Variants in CKAP2L observed in about 807,000 individuals in gnomAD.
The protein encoded by CKAP2L is cytoskeleton-associated protein 2-like.
Under a neutral mutation model 65.7 loss-of-function variants are expected in CKAP2L, and 42 were observed. The observed-to-expected ratio is 0.64, with a 90% confidence interval of 0.50 to 0.83. The LOEUF is 0.83. Among genes scored for constraint, CKAP2L ranks in the 40% least tolerant of loss-of-function variants. The pLI is 0.00. For missense variants in CKAP2L, 908 were observed against 871.0 expected, an observed-to-expected ratio of 1.04 and a Z score of -0.53; for synonymous variants, 325 against 313.5, an observed-to-expected ratio of 1.04 and a Z score of -0.39.
At position 112,764,508 on chromosome 2, in the gene CKAP2L, T is replaced by C. The variant is rs1441782017; in HGVS notation, c.37+54A>G. The C allele has an allele frequency of 3.1e-6, 5 of 1,600,778 alleles. No individual in the cohort carries two copies. In the East Asian group the frequency reaches 1.1e-4, roughly 36 times the overall value. ...ACGAACTCACTCGGTGGCCTCCTACTTCCCCGGCCGTGTTCCAACGCCTGA... is the reference window on the plus strand; with the variant it reads ...ACGAACTCACTCGGTGGCCTCCTACCTCCCCGGCCGTGTTCCAACGCCTGA... On this transcript the variant is annotated intron_variant, in intron 1 of 8. Coordinates refer to ENST00000302450, the MANE Select transcript of CKAP2L (RefSeq NM_152515.5).
rs749597181 is a variant in CKAP2L, at chr2:112,756,230, A to T, written c.1141T>A (p.Leu381Met). 1.9e-6 allele frequency: 3 copies of T among 1,614,178 alleles called. No individual in the cohort carries two copies. The highest frequency in any genetic ancestry group is 2.5e-6 in the Non-Finnish European group (3 of 1,180,028). The change falls in exon 4 of 9, where the codon TTG (leucine) becomes ATG (methionine). Residue 381 changes from leucine to methionine, a missense_variant. Physicochemically the swap from Leu to Met is conservative, Grantham distance 15. Transcript: ENST00000302450. ...GCTGAATTAAATCTGCCAACTGTCA[A>T]ATTAGGCCTCTGGCTTATGGCTTTT... is the stretch of plus-strand genomic sequence containing the variant. ...KSKAISQRPN[L>M]TVGRFNSAIP...
Position 112,743,787 on chromosome 2 carries a change from GTCTTTC to G in CKAP2L, c.1759-1024_1759-1019del, listed in dbSNP as rs144767864. Among the ~76,000 whole-genome samples, 240 of 151,980 alleles carry G rather than the reference GTCTTTC, an allele frequency of 1.6e-3. 1 individual carries two copies. The highest frequency in any genetic ancestry group is 5.5e-3 in the African/African-American group (227 of 41,448). ...TGAGTAATTTTCTCCAGCTTTTCCT[GTCTTTC>G]TTCTTTTATTTGTTAACATACTTAG... On this transcript the variant is annotated intron_variant, in intron 6 of 8. Coordinates refer to ENST00000302450, the MANE Select transcript of CKAP2L (RefSeq NM_152515.5).
intron 8 of CKAP2L, 85 bp downstream of exon 8, chr2:112,740,733 G>A (rs1679877829): frequency 1.8e-6 from 2 of 1,128,330 alleles, no homozygotes; most frequent in African/African-American, 1.5e-5. Flanking sequence ...TCAGGTCTCA[G>A]TTACTCTAGA....
Position 112,740,843 on chromosome 2 carries a change from T to C in CKAP2L, c.1987A>G (p.Lys663Glu). 10 of 1,611,924 alleles carry C rather than the reference T, an allele frequency of 6.2e-6. No homozygotes were observed. The highest frequency in any genetic ancestry group is 8.5e-6 in the Non-Finnish European group (10 of 1,178,174). Residue 663 changes from lysine to glutamate, a missense_variant, in exon 8 of 9, where the codon AAA (lysine) becomes GAA (glutamate). Physicochemically the swap from Lys to Glu is moderately conservative, Grantham distance 56 (BLOSUM62 1). Transcript: ENST00000302450. ...CTAGGGATTGGACCAATCTGTAATT[T>C]GATACCAGGATAATTATGCTGTTCT... ...KAEQHNYPGI[K>E]LQIGPIPRIN...
chr2:112,742,222 C>T (rs555364441), intron 7 of CKAP2L, among the ~76,000 whole-genome samples: 32 of 152,276 alleles, frequency 2.1e-4, no homozygotes, highest in Admixed American at 5.2e-4. Flanking sequence ...TAATGTCACT[C>T]GTGTTTGGCA....
At chr2:112,760,008 C>G (rs1303673858) in intron 3 of CKAP2L, among the ~76,000 whole-genome samples, 1 of 152,060 alleles carries the variant, frequency 6.6e-6, no homozygotes, top group African/African-American at 2.4e-5. Flanking sequence ...TTTTTCACTT[C>G]AGGAAGCACT....
At chr2:112,745,420 C>T (rs914453644) in intron 6 of CKAP2L, among the ~76,000 whole-genome samples, 1 of 150,964 alleles carries the variant, frequency 6.6e-6, no homozygotes, top group Non-Finnish European at 1.5e-5. Flanking sequence ...TGCACTGTTG[C>T]CCAGGCTGGA....
At chr2:112,764,416 G>A in intron 1 of CKAP2L, 146 bp downstream of exon 1, 3 of 866,354 alleles carry the variant, frequency 3.5e-6, no homozygotes, top group Non-Finnish European at 5.7e-6. Flanking sequence ...GGTCCCGTCT[G>A]CGCTCCCGGG....
chr2:112,759,647 A>C (rs1446439914), intron 3 of CKAP2L, among the ~76,000 whole-genome samples: 2 of 152,202 alleles, frequency 1.3e-5, no homozygotes, highest in Non-Finnish European at 2.9e-5. Flanking sequence ...ATAAAGTAAA[A>C]GTGTAACCCA....
intron 8 of CKAP2L, 76 bp downstream of exon 8, chr2:112,740,742 G>C (rs1470300572): frequency 2.4e-6 from 3 of 1,237,328 alleles, no homozygotes; most frequent in South Asian, 1.4e-5. Context: ...AGTTACTCTA[G>C]ATCTGTGAAG....
intron 8 of CKAP2L, 121 bp downstream of exon 8, chr2:112,740,697 T>C (rs1018213696): frequency 4.0e-6 from 3 of 755,054 alleles, no homozygotes; most frequent in African/African-American, 3.5e-5. Context: ...CCCTCCTGAC[T>C]CTGGCAGCAC....
At chr2:112,746,293 TA>T in intron 6 of CKAP2L, 126 bp downstream of exon 6, 1 of 629,460 alleles carries the variant, frequency 1.6e-6, no homozygotes, top group Non-Finnish European at 2.6e-6. Context: ...TTCTTTATGG[TA>T]AGGTATGACT....
chr2:112,754,960 C>A (rs1680486371), intron 4 of CKAP2L, among the ~76,000 whole-genome samples: 1 of 152,196 alleles, frequency 6.6e-6, no homozygotes, highest in Non-Finnish European at 1.5e-5. Context: ...GCCATTCCAG[C>A]CCTACTCTCT....
intron 5 of CKAP2L, among the ~76,000 whole-genome samples, chr2:112,746,869 C>G (rs1680217986): frequency 6.6e-6 from 1 of 151,846 alleles, no homozygotes; most frequent in African/African-American, 2.4e-5. Flanking sequence ...TTCACTGCAA[C>G]CTCCACCTCC....
chr2:112,757,259 CTTAT>C (rs768278014), intron 3 of CKAP2L, 45 bp from the exon 4 acceptor site: 4 of 1,331,956 alleles, frequency 3.0e-6, no homozygotes, highest in Non-Finnish European at 4.1e-6. Context: ...CTTAACATAT[CTTAT>C]TGTTTTTAAA....
rs1041459911 is a variant in CKAP2L at position 112,757,387 on chromosome 2, T to G, written c.157-173A>C. On this transcript the variant is annotated intron_variant, in intron 3 of 8. Coordinates refer to ENST00000302450, the MANE Select transcript of CKAP2L (RefSeq NM_152515.5). The stretch of plus-strand genomic sequence containing the variant: ...ACTCACTAATAGGTAGTTTTTGTGT[T>G]TTTTTTTTTTTTTTTTTTTTGAGAC... 7.6e-3 allele frequency among the ~76,000 whole-genome samples: 291 copies of G among 38,242 alleles called. 1 individual carries two copies. The highest frequency in any genetic ancestry group is 0.012 in the Non-Finnish European group (251 of 21,192). The allele number at this position is 38,242 out of a possible 152,430, so 25.1% of individuals were successfully genotyped here.
In CKAP2L at chr2:112,739,217, C is replaced by T. The variant is rs547178334; in HGVS notation, c.2013-169G>A. ...CTTCAGATGGCTTTTTCTAGGAGTTCGAGACCAGCCTGGGCAACATAGCAA... is the reference window on the plus strand; with the variant it reads ...CTTCAGATGGCTTTTTCTAGGAGTTTGAGACCAGCCTGGGCAACATAGCAA... On this transcript the variant is annotated intron_variant, in intron 8 of 8. Coordinates refer to ENST00000302450, the MANE Select transcript of CKAP2L (RefSeq NM_152515.5). Among the ~76,000 whole-genome samples the T allele has an allele frequency of 7.6e-4, 116 of 152,150 alleles. 1 individual carries two copies. Among genetic ancestry groups the T allele is most frequent in the African/African-American group, 2.6e-3 (108 of 41,500 alleles).
intron 2 of CKAP2L, among the ~76,000 whole-genome samples, chr2:112,761,518 C>G (rs1329700340): frequency 7.1e-6 from 1 of 141,634 alleles, no homozygotes; most frequent in African/African-American, 2.6e-5. Flanking sequence ...CAAATACTAT[C>G]TCTTCTAACT....
At chr2:112,741,911 C>A (rs1416254546) in intron 7 of CKAP2L, among the ~76,000 whole-genome samples, 1 of 151,210 alleles carries the variant, frequency 6.6e-6, no homozygotes, top group Admixed American at 6.6e-5. Flanking sequence ...CAAGCACGCA[C>A]CACCACAACT....
Sources: allele counts gnomAD v4.1 joint callset (sites outside exome capture counted in the v4.1 genomes callset), GRCh38; gene constraint gnomAD v4.1.1; transcripts MANE v1.5; gene names NCBI Gene and HGNC (gene_info 2026-07-23, HGNC 2026-07-21).